The following TRPC5 variants were observed in gnomAD, a reference collection of about 807,000 sequenced individuals.
TRPC5 encodes the protein transient receptor potential cation channel subfamily C member 5, also known as short transient receptor potential channel 5.
Under a neutral mutation model 56.5 loss-of-function variants are expected in TRPC5, and 9 were observed. The observed-to-expected ratio is 0.16, with a 90% CI of 0.10 to 0.28. The LOEUF is 0.28. Among genes scored for constraint, TRPC5 ranks in the 10% least tolerant of loss-of-function variants. TRPC5 has a pLI of 1.00. For synonymous variants in TRPC5, 282 were observed against 278.5 expected (o/e 1.01, Z -0.13); for missense variants, 469 against 748.9 (o/e 0.63, Z 4.36).
chrX:111,970,546 C>T (rs1386485072), intron 1 of TRPC5, among the ~76,000 whole-genome samples: 1 of 111,597 alleles, frequency 9.0e-6, no homozygotes, highest in East Asian at 2.8e-4. Context: ...TAATTCTGCA[C>T]ATTCCTGCCT....
chrX:112,024,310 A>G (rs1002735014), intron 1 of TRPC5, among the ~76,000 whole-genome samples: 3 of 111,646 alleles, frequency 2.7e-5, no homozygotes, highest in African/African-American at 9.8e-5. Context: ...AGATTGCCCT[A>G]CCTAATGAGG....
chrX:111,813,408 A>G (rs1009498818), intron 7 of TRPC5, among the ~76,000 whole-genome samples: 1 of 111,892 alleles, frequency 8.9e-6, no homozygotes, highest in African/African-American at 3.2e-5. Context: ...ACACCCTCAA[A>G]TGTTGTTGAT....
At chrX:111,925,413 C>T (rs746372796) in intron 2 of TRPC5, among the ~76,000 whole-genome samples, 1 of 112,172 alleles carries the variant, frequency 8.9e-6, no homozygotes, top group African/African-American at 3.2e-5. Context: ...TTTTAGAAGC[C>T]GCAAACATTT....
Position 111,993,640 on chromosome X carries a change from C to T in TRPC5, c.-21-41199G>A, listed in dbSNP as rs1403865249. On this transcript the variant is annotated intron_variant, in intron 1 of 10. Coordinates refer to ENST00000262839, the MANE Select transcript of TRPC5 (RefSeq NM_012471.3). ...CTCATTGCGGTTTTGATTTGCATTT[C>T]TCTGGTGACCAGTGATGATGAGCAT... is the stretch of plus-strand genomic sequence containing the variant. Among the ~76,000 whole-genome samples, 3 of 112,509 alleles carry T rather than the reference C, an allele frequency of 2.7e-5. No individual in the cohort carries two copies. In the East Asian group the frequency reaches 8.4e-4, roughly 31 times the overall value.
At chrX:111,811,895 C>G (rs1055948361) in intron 7 of TRPC5, among the ~76,000 whole-genome samples, 1 of 111,477 alleles carries the variant, frequency 9.0e-6, no homozygotes, top group African/African-American at 3.3e-5. Flanking sequence ...ACAGCAATCT[C>G]TCATCCTTGG....
rs758728487 is a variant in TRPC5, at chrX:111,776,494, T to G, written c.2741A>C (p.Gln914Pro). 8.3e-7 allele frequency: 1 copy of G among 1,210,792 alleles called. No homozygotes were observed. The highest frequency in any genetic ancestry group is 2.2e-5 in the Admixed American group (1 of 45,926). The change falls in exon 11 of 11, where the codon CAG becomes CCG. Residue 914 changes from glutamine to proline, a missense_variant. Gln to Pro is a moderately conservative substitution (Grantham distance 76). Transcript: ENST00000262839. ...ACAGGCTAGAGGGCATTCACTGCTC[T>G]GAGCAGCGCCCTGGACTTCACCTAA... Reference protein sequence around the residue: ...VELGEVQGAAQSSECPLACSS... With the variant: ...VELGEVQGAAPSSECPLACSS...
At chrX:111,964,811 G>C (rs1016580427) in intron 1 of TRPC5, among the ~76,000 whole-genome samples, 6 of 111,379 alleles carry the variant, frequency 5.4e-5, no homozygotes, top group Admixed American at 9.5e-5. Context: ...CCCTAAAAGA[G>C]CTCCTGAAGG....
Position 111,769,390 on chromosome X carries a change from C to T in TRPC5, c.*6923G>A, listed in dbSNP as rs772566395. ...GAAGCTTCTCTATCTAAATATATTG[C>T]TCTTTAAAGTGTTCTCTTCAGGAGG... On this transcript the variant is annotated 3_prime_UTR_variant, in exon 11 of 11. Transcript: ENST00000262839. 8.9e-6 allele frequency among the ~76,000 whole-genome samples: 1 copy of T among 111,834 alleles called. No homozygotes were observed. The highest frequency in any genetic ancestry group is 1.9e-5 in the Non-Finnish European group (1 of 53,145).
At chrX:111,905,180 T>G (rs1925546018) in intron 3 of TRPC5, among the ~76,000 whole-genome samples, 1 of 111,012 alleles carries the variant, frequency 9.0e-6, no homozygotes, top group African/African-American at 3.3e-5. Flanking sequence ...TTTTTTTACA[T>G]GAAAGCTATT....
chrX:112,060,817 C>T (rs1455565192), intron 1 of TRPC5, among the ~76,000 whole-genome samples: 1 of 112,604 alleles, frequency 8.9e-6, no homozygotes, highest in Non-Finnish European at 1.9e-5. Flanking sequence ...AGGCTTCCCC[C>T]AAAAGGGTTG....
intron 7 of TRPC5, among the ~76,000 whole-genome samples, chrX:111,816,493 G>C (rs1174514538): frequency 8.9e-6 from 1 of 112,101 alleles, no homozygotes. Flanking sequence ...TCTAACCTCT[G>C]ACCCACTCTG....
At chrX:111,820,465 A>T (rs1278061466) in intron 7 of TRPC5, among the ~76,000 whole-genome samples, 1 of 112,404 alleles carries the variant, frequency 8.9e-6, no homozygotes, top group Non-Finnish European at 1.9e-5. Context: ...GATTTTTTAC[A>T]TTATTAAGTG....
At chrX:111,889,365 T>C (rs758677776) in intron 3 of TRPC5, among the ~76,000 whole-genome samples, 3 of 112,333 alleles carry the variant, frequency 2.7e-5, no homozygotes, top group Non-Finnish European at 5.6e-5. Context: ...ATATCAGTCA[T>C]AAGAGATGAG....
chrX:111,992,460 T>C (rs1569529184), intron 1 of TRPC5, among the ~76,000 whole-genome samples: 1 of 111,688 alleles, frequency 9.0e-6, no homozygotes, highest in Non-Finnish European at 1.9e-5. Flanking sequence ...TTAACCCCAG[T>C]GGCTAAGATA....
chrX:111,968,473 G>T (rs907752538), intron 1 of TRPC5, among the ~76,000 whole-genome samples: 5 of 111,126 alleles, frequency 4.5e-5, no homozygotes, highest in African/African-American at 1.3e-4. Flanking sequence ...TCCCATTACT[G>T]GGTATATACC....
intron 1 of TRPC5, among the ~76,000 whole-genome samples, 194 bp downstream of exon 1, chrX:112,081,685 T>C (rs1930969925): frequency 9.0e-6 from 1 of 111,649 alleles, no homozygotes; most frequent in Non-Finnish European, 1.9e-5. Context: ...TTCTCCCCAT[T>C]GCATTTCCTC....
In TRPC5 at chrX:111,951,035, G is replaced by A. The variant is rs181928185; in HGVS notation, c.378+1008C>T. ...TTTAGGGAGAATAATGCTATTTAGGGAGAATAATGCCTTATTCTTGGGATA... is the reference window on the plus strand; with the variant it reads ...TTTAGGGAGAATAATGCTATTTAGGAAGAATAATGCCTTATTCTTGGGATA... On this transcript the variant is annotated intron_variant, in intron 2 of 10. Coordinates refer to ENST00000262839, the MANE Select transcript of TRPC5 (RefSeq NM_012471.3). 5.4e-5 allele frequency among the ~76,000 whole-genome samples: 6 copies of A among 111,952 alleles called. No homozygotes were observed. The Admixed American group carries it at 5.7e-4, about 11-fold the overall frequency.
rs187465567 is a variant in TRPC5 at position 111,804,338 on chromosome X, T to A, written c.1897-22200A>T. On this transcript the variant is annotated intron_variant, in intron 7 of 10. Transcript: ENST00000262839. ...AGGATTGACTTGGCAATGCTGGCTC[T>A]TTTTTGGTTCCATATGAACTTTAAA... is the stretch of plus-strand genomic sequence containing the variant. 6.0e-3 allele frequency among the ~76,000 whole-genome samples: 670 copies of A among 112,288 alleles called. 4 individuals carry two copies. The highest frequency in any genetic ancestry group is 0.02 in the African/African-American group (631 of 30,932).
intron 1 of TRPC5, among the ~76,000 whole-genome samples, chrX:112,005,075 A>G (rs1928799769): frequency 9.0e-6 from 1 of 111,467 alleles, no homozygotes; most frequent in Non-Finnish European, 1.9e-5. Flanking sequence ...ATCTGCGTGC[A>G]TGTGTCTTTA....
Sources: allele counts gnomAD v4.1 joint callset (sites outside exome capture counted in the v4.1 genomes callset), GRCh38; gene constraint gnomAD v4.1.1; transcripts MANE v1.5; gene names NCBI Gene and HGNC (gene_info 2026-07-23, HGNC 2026-07-21).